The following RHBDD1 variants were observed in gnomAD, a reference collection of about 807,000 sequenced individuals.
RHBDD1 encodes rhomboid-related protein 4.
Under a neutral mutation model 36.3 loss-of-function variants are expected in RHBDD1, and 38 were observed. That is an observed-to-expected ratio of 1.05 (90% CI 0.81 to 1.37). RHBDD1 has a LOEUF of 1.37. Ranked by LOEUF, RHBDD1 falls within the 40% of genes most tolerant of loss-of-function variation. The pLI is 0.00. For synonymous variants in RHBDD1, 151 were observed against 136.5 expected, an observed-to-expected ratio of 1.11 and a Z score of -0.74; for missense variants, 393 against 377.6, an observed-to-expected ratio of 1.04 and a Z score of -0.34.
At chr2:226,970,431 T>C (rs1953239758) in intron 8 of RHBDD1, among the ~76,000 whole-genome samples, 1 of 152,096 alleles carries the variant, frequency 6.6e-6, no homozygotes, top group South Asian at 2.1e-4. Flanking sequence ...ATGATATGAG[T>C]CTCATGATAT....
intron 5 of RHBDD1, among the ~76,000 whole-genome samples, chr2:226,881,454 T>C (rs543305254): frequency 9.8e-5 from 15 of 152,358 alleles, no homozygotes; most frequent in Middle Eastern, 3.4e-3. Context: ...TAATGATTTC[T>C]TCTGTAGTTC....
chr2:226,824,587 C>T, the RHBDD1 span, among the ~76,000 whole-genome samples: 1 of 152,192 alleles, frequency 6.6e-6, no homozygotes, highest in East Asian at 1.9e-4. Context: ...TCAAAAATTG[C>T]CCCCACTCCT....
intron 7 of RHBDD1, among the ~76,000 whole-genome samples, chr2:226,913,441 C>T (rs539432624): frequency 1.3e-5 from 2 of 152,272 alleles, no homozygotes; most frequent in East Asian, 3.9e-4. Flanking sequence ...AATTCTCTAA[C>T]TATTGGCAGT....
the RHBDD1 span, among the ~76,000 whole-genome samples, chr2:226,807,255 G>A: frequency 2.6e-5 from 4 of 152,088 alleles, no homozygotes; most frequent in African/African-American, 9.7e-5. Context: ...GATTATAAAT[G>A]TATTTAAAAT....
intron 8 of RHBDD1, among the ~76,000 whole-genome samples, chr2:226,939,028 C>T (rs1006158508): frequency 6.6e-6 from 1 of 152,138 alleles, no homozygotes; most frequent in African/African-American, 2.4e-5. Context: ...AGACAAAAAT[C>T]ACTTGATTAT....
chr2:226,863,386 G>T (rs761016741), intron 3 of RHBDD1, among the ~76,000 whole-genome samples: 1 of 152,190 alleles, frequency 6.6e-6, no homozygotes, highest in Admixed American at 6.5e-5. Context: ...AGGTTTTGGA[G>T]GGACAAACAC....
intron 8 of RHBDD1, among the ~76,000 whole-genome samples, chr2:226,941,458 T>G (rs1008203374): frequency 5.3e-5 from 8 of 152,288 alleles, no homozygotes; most frequent in African/African-American, 1.9e-4. Flanking sequence ...GAAACAGTTC[T>G]GATATATGTG....
intron 3 of RHBDD1, among the ~76,000 whole-genome samples, chr2:226,852,329 A>G (rs1348779614): frequency 4.6e-5 from 7 of 152,214 alleles, no homozygotes. Context: ...ACAAAAATAA[A>G]TTTTATAAAA....
chr2:226,912,580 C>T (rs1222372011), intron 7 of RHBDD1, among the ~76,000 whole-genome samples: 1 of 152,046 alleles, frequency 6.6e-6, no homozygotes, highest in Non-Finnish European at 1.5e-5. Context: ...GGAAAATATA[C>T]TAAGTGAAAT....
At chr2:226,916,611 G>T (rs142161346) in intron 8 of RHBDD1, among the ~76,000 whole-genome samples, 57 of 152,254 alleles carry the variant, frequency 3.7e-4, no homozygotes, top group African/African-American at 1.3e-3. Flanking sequence ...ATATTTGGGA[G>T]ACATCTTCTG....
At chr2:226,908,919 T>A in intron 7 of RHBDD1, 41 bp downstream of exon 7, 1 of 1,293,868 alleles carries the variant, frequency 7.7e-7, no homozygotes, top group Non-Finnish European at 1.1e-6. Flanking sequence ...AACTTATTTT[T>A]AAAATTATAG....
intron 8 of RHBDD1, among the ~76,000 whole-genome samples, chr2:226,973,821 C>T (rs1166954637): frequency 6.6e-6 from 1 of 152,158 alleles, no homozygotes; most frequent in African/African-American, 2.4e-5. Flanking sequence ...TTCCTGTGAG[C>T]GTTAGAACAA....
At chr2:226,813,494 C>T in the RHBDD1 span, among the ~76,000 whole-genome samples, 1 of 152,158 alleles carries the variant, frequency 6.6e-6, no homozygotes, top group Non-Finnish European at 1.5e-5. Context: ...ACCCAGCATT[C>T]ACTTTTTCCA....
chr2:226,904,512 G>A lies in RHBDD1; in HGVS notation c.567-2281G>A, dbSNP rs13426246. Among the ~76,000 whole-genome samples, 1,478 of 152,062 alleles carry A rather than the reference G, an allele frequency of 9.7e-3. 25 individuals carry two copies. The highest frequency in any genetic ancestry group is 0.034 in the African/African-American group (1,407 of 41,458). On this transcript the variant is annotated intron_variant, in intron 5 of 8. Transcript: ENST00000392062. ...ATGATCGTGTATGTGGTGTGTGTGCGTGTCTGTGTGTGTGTGCACGCGCAT... is the reference window on the plus strand; with the variant it reads ...ATGATCGTGTATGTGGTGTGTGTGCATGTCTGTGTGTGTGTGCACGCGCAT...
intron 4 of RHBDD1, 85 bp from the exon 5 acceptor site, chr2:226,867,101 T>A: frequency 7.6e-7 from 1 of 1,319,114 alleles, no homozygotes. Flanking sequence ...AATAATCATT[T>A]TCACTTTTAA....
chr2:226,984,742 A>G (rs1575484655), intron 8 of RHBDD1, among the ~76,000 whole-genome samples: 1 of 152,154 alleles, frequency 6.6e-6, no homozygotes, highest in Non-Finnish European at 1.5e-5. Context: ...GGAATACTCA[A>G]TTTATAAGCC....
chr2:226,825,715 TA>T, the RHBDD1 span, among the ~76,000 whole-genome samples: 2 of 152,220 alleles, frequency 1.3e-5, no homozygotes, highest in African/African-American at 4.8e-5. Context: ...GGTCACCCAC[TA>T]CTAGACATTT....
At chr2:226,877,875 T>A (rs558136297) in intron 5 of RHBDD1, among the ~76,000 whole-genome samples, 43 of 152,322 alleles carry the variant, frequency 2.8e-4, no homozygotes, top group Non-Finnish European at 4.4e-5. Flanking sequence ...CTATTGGTAT[T>A]GTTTGGGGCC....
intron 8 of RHBDD1, among the ~76,000 whole-genome samples, chr2:226,958,584 A>G (rs1951949236): frequency 6.6e-6 from 1 of 152,182 alleles, no homozygotes. Context: ...TAAAATCTCA[A>G]TGAAGCAATT....
Sources: allele counts gnomAD v4.1 joint callset (sites outside exome capture counted in the v4.1 genomes callset), GRCh38; gene constraint gnomAD v4.1.1; transcripts MANE v1.5; gene names NCBI Gene and HGNC (gene_info 2026-07-23, HGNC 2026-07-21).